SLC52A1: variants seen among roughly 807,000 people sequenced by gnomAD.
SLC52A1 encodes the protein solute carrier family 52, riboflavin transporter, member 1.
In SLC52A1, 20 loss-of-function variants were observed where a neutral mutation model predicts 23.2. That is an observed-to-expected ratio of 0.86 (90% CI 0.61 to 1.25). SLC52A1 has a LOEUF of 1.25. SLC52A1 is among the 50% of genes most tolerant of loss of function. The pLI is 0.00. For missense variants in SLC52A1, 528 were observed against 557.0 expected, an observed-to-expected ratio of 0.95 and a Z score of 0.52; for synonymous variants, 260 against 256.6, an observed-to-expected ratio of 1.01 and a Z score of -0.13.
Position 5,032,880 on chromosome 17 carries a change from G to A in SLC52A1, c.*77C>T. The A allele has an allele frequency of 1.5e-6, 2 of 1,367,790 alleles. No individual in the cohort carries two copies. The allele number at this position is 1,367,790 out of a possible 1,614,324, so 84.7% of individuals were successfully genotyped here. A position where few individuals can be genotyped will look rare whatever the true frequency, so the allele number is the denominator to read the frequency against. ...CCTGTGTTGGGGGAAGCCTGCCTGG[G>A]CCACAAGTAGTCAGGCACTGTGGCA... On this transcript the variant is annotated 3_prime_UTR_variant, in exon 5 of 5. Transcript: ENST00000254853.
At chr17:5,036,848 G>A (rs986863256), upstream of SLC52A1, among the ~76,000 whole-genome samples, 17 of 152,056 alleles carry the variant, frequency 1.1e-4, no homozygotes, top group African/African-American at 4.1e-4. Context: ...CTATTTTTGA[G>A]AAAGTGTCTT....
In SLC52A1 at chr17:5,034,640, A is replaced by G. The variant is rs373467415; in HGVS notation, c.-34T>C. The G allele has an allele frequency of 1.0e-4, 163 of 1,612,218 alleles. No homozygotes were observed. The highest frequency in any genetic ancestry group is 1.3e-4 in the Non-Finnish European group (156 of 1,179,204). On this transcript the variant is annotated 5_prime_UTR_variant, in exon 2 of 5. Coordinates refer to ENST00000254853, the MANE Select transcript of SLC52A1 (RefSeq NM_017986.4). ...AAGCTGGACCCTCCAGGACAGGGCA[A>G]AGGTCACAGGCAGGTCCTTCCCTAG... is the stretch of plus-strand genomic sequence containing the variant.
chr17:5,033,365 C>A lies in SLC52A1; in HGVS notation c.1030G>T (p.Gly344Cys). ...AAGAGCATGCCCAGCAGAGAAAGAC[C>A]AACCAGCCCTGCCAGGGACCTGTTG... ...VLCRSLAGLVGLSLLGMLFGA... is the reference protein window; with the variant it reads ...VLCRSLAGLVCLSLLGMLFGA... Residue 344 changes from glycine to cysteine, a missense_variant, in exon 4 of 5, where the codon GGT becomes TGT. Physicochemically the swap from Gly to Cys is radical, Grantham distance 159. Transcript: ENST00000254853. 6.2e-7 allele frequency: 1 copy of A among 1,614,194 alleles called. No individual in the cohort carries two copies. The highest frequency in any genetic ancestry group is 1.1e-5 in the South Asian group (1 of 91,092).
chr17:5,035,873 A>ATTTTTTTTTTTT (rs71149503), upstream of SLC52A1, among the ~76,000 whole-genome samples: 1 of 45,302 alleles, frequency 2.2e-5, no homozygotes, highest in Non-Finnish European at 3.5e-5. Flanking sequence ...TGTCCAGCTA[A>ATTTTTTTTTTTT]TTTTTTTTTT....
intron 1 of SLC52A1, among the ~76,000 whole-genome samples, chr17:5,040,560 A>T (rs1975530714): frequency 6.6e-6 from 1 of 152,138 alleles, no homozygotes; most frequent in African/African-American, 2.4e-5. Flanking sequence ...CTCAAACCTT[A>T]GCTTCTCCCT....
chr17:5,034,330 C>A lies in SLC52A1; in HGVS notation c.159G>T (p.Val53=), dbSNP rs576210341. ...EGWSLPSYLS[V]VVALGNLGLL... is the part of the protein sequence containing the mutation. ...GACCCAGGTTTCCCAGCGCCACAACCACAGAGAGGTATGAGGGGAGGCTCC... is the reference window on the plus strand; with the variant it reads ...GACCCAGGTTTCCCAGCGCCACAACAACAGAGAGGTATGAGGGGAGGCTCC... The change falls in exon 3 of 5, where the codon GTG becomes GTT. Residue 53 remains valine, a synonymous_variant. Transcript: ENST00000254853. 2 of 1,587,610 alleles carry A rather than the reference C, an allele frequency of 1.3e-6. No individual in the cohort carries two copies. The highest frequency in any genetic ancestry group is 2.3e-5 in the South Asian group (2 of 86,632).
At chr17:5,033,210 A>G (rs1326691416) in intron 4 of SLC52A1, 41 bp from the exon 5 acceptor site, 2 of 1,612,814 alleles carry the variant, frequency 1.2e-6, no homozygotes, top group Non-Finnish European at 1.7e-6. Context: ...CATGACATGC[A>G]CTTGCTCCAG....
upstream of SLC52A1, among the ~76,000 whole-genome samples, chr17:5,036,098 G>A (rs1267690681): frequency 1.8e-4 from 25 of 136,218 alleles, no homozygotes; most frequent in Admixed American, 1.8e-3. Flanking sequence ...CCAGGCTGGA[G>A]TGCAATGGCA....
upstream of SLC52A1, among the ~76,000 whole-genome samples, chr17:5,037,910 C>T: frequency 2.0e-5 from 1 of 48,980 alleles, no homozygotes; most frequent in African/African-American, 1.3e-4. Flanking sequence ...TTCTTTCTTC[C>T]TTCCTTTTTT....
chr17:5,034,906 C>G lies in SLC52A1; in HGVS notation c.-153G>C. 1 of 291,788 alleles carries G rather than the reference C, an allele frequency of 3.4e-6. No individual in the cohort carries two copies. 18.1% of individuals were successfully genotyped at this position (291,788 alleles called of 1,614,324 possible). A position where few individuals can be genotyped will look rare whatever the true frequency, so the allele number is the denominator to read the frequency against. On this transcript the variant is annotated 5_prime_UTR_variant, in exon 1 of 5. Coordinates refer to ENST00000254853, the MANE Select transcript of SLC52A1 (RefSeq NM_017986.4). ...TTTGGGTACAGCGACCCAGCAGTGC[C>G]GGCAGGCAGACAGGCAGAAAGCTGG...
At chr17:5,033,236 C>T (rs1033324580) in intron 4 of SLC52A1, 25 bp downstream of exon 4, 50 of 1,612,782 alleles carry the variant, frequency 3.1e-5, no homozygotes, top group Non-Finnish European at 3.9e-5. Context: ...ACCCTCCTCC[C>T]CACTTCATGT....
At chr17:5,037,506 G>A (rs1465061128), upstream of SLC52A1, among the ~76,000 whole-genome samples, 1 of 152,018 alleles carries the variant, frequency 6.6e-6, no homozygotes, top group Non-Finnish European at 1.5e-5. Context: ...ACAACAGAGC[G>A]AGACTCCATC....
At position 5,033,561 on chromosome 17, in the gene SLC52A1, G is replaced by T; in HGVS notation, c.928C>A (p.Arg310Ser). 1 of 1,613,870 alleles carries T rather than the reference G, an allele frequency of 6.2e-7. No individual in the cohort carries two copies. Among genetic ancestry groups the T allele is most frequent in the South Asian group, 1.1e-5 (1 of 91,072 alleles). ...ACCACAGCCAGGTGGTAGGCCAGGC[G>T]CCCATAGGGCAAACAGGAAAAGCTC... ...VQSFSCLPYG[R>S]LAYHLAVVLG... The change falls in exon 3 of 5, where the codon CGC (arginine) becomes AGC (serine). Residue 310 changes from arginine to serine, a missense_variant. Transcript: ENST00000254853.
upstream of SLC52A1, among the ~76,000 whole-genome samples, chr17:5,036,443 G>A (rs372297746): frequency 2.9e-3 from 319 of 109,798 alleles, 8 homozygotes; most frequent in South Asian, 0.095. Context: ...ACGGAGTCTC[G>A]CTCTGTCGCC....
In SLC52A1 at chr17:5,032,944, C is replaced by T. The variant is rs1369533689; in HGVS notation, c.*13G>A. 6.2e-7 allele frequency: 1 copy of T among 1,607,404 alleles called. No homozygotes were observed. Among genetic ancestry groups the T allele is most frequent in the East Asian group, 2.2e-5 (1 of 44,684 alleles). On this transcript the variant is annotated 3_prime_UTR_variant, in exon 5 of 5. Transcript: ENST00000254853. Reference sequence around the variant, plus strand: ...GACAGGTGGGGTGGAGTTGGGTCCCCACCTGCCCAGGCTCAGGGGCCACAG... The same window carrying T: ...GACAGGTGGGGTGGAGTTGGGTCCCTACCTGCCCAGGCTCAGGGGCCACAG...
rs944738347 is a variant in SLC52A1 at position 5,033,819 on chromosome 17, C to T, written c.670G>A (p.Val224Ile). 1 of 1,614,224 alleles carries T rather than the reference C, an allele frequency of 6.2e-7. No homozygotes were observed. Among genetic ancestry groups the T allele is most frequent in the Non-Finnish European group, 8.5e-7 (1 of 1,180,024 alleles). Reference protein sequence around the residue: ...LLLLLPSLPSVTTGGSGPELQ... With the variant: ...LLLLLPSLPSITTGGSGPELQ... ...TCAGGCCCTGAGCCCCCTGTGGTTA[C>T]AGAGGGTAGTGATGGCAACAGCAAC... Residue 224 changes from valine to isoleucine, a missense_variant, in exon 3 of 5, where the codon GTA (valine) becomes ATA (isoleucine). Coordinates refer to ENST00000254853, the MANE Select transcript of SLC52A1 (RefSeq NM_017986.4).
At position 5,035,030 on chromosome 17, in the gene SLC52A1, G is replaced by GGGTGC. The variant is rs1975426369; in HGVS notation, c.-282_-278dup. ...TTGTCAAAACAGCTCAGCACTGGCC[G>GGGTGC]GGTGCGGTGGCTCACACCTGTAATC... On this transcript the variant is annotated 5_prime_UTR_variant, in exon 1 of 5. Coordinates refer to ENST00000254853, the MANE Select transcript of SLC52A1 (RefSeq NM_017986.4). The GGGTGC allele has an allele frequency of 5.1e-6, 1 of 196,950 alleles. No homozygotes were observed. Among genetic ancestry groups the GGGTGC allele is most frequent in the African/African-American group, 2.3e-5 (1 of 43,844 alleles). The allele number at this position is 196,950 out of a possible 1,614,324, so 12.2% of individuals were successfully genotyped here.
chr17:5,037,366 C>T (rs1229108377), upstream of SLC52A1, among the ~76,000 whole-genome samples: 2 of 151,810 alleles, frequency 1.3e-5, no homozygotes, highest in Non-Finnish European at 2.9e-5. Context: ...TAAAAATACA[C>T]AAATTAGCTG....
intron 1 of SLC52A1, among the ~76,000 whole-genome samples, chr17:5,040,931 G>A (rs1975537210): frequency 6.6e-6 from 1 of 151,864 alleles, no homozygotes; most frequent in Non-Finnish European, 1.5e-5. Context: ...GAGTAGGTGG[G>A]ACTACAGGTG....
Sources: gnomAD v4.1 joint callset for allele counts (sites outside exome capture counted in the v4.1 genomes callset) on GRCh38, gnomAD v4.1.1 for gene constraint, MANE v1.5 for transcripts, NCBI Gene and HGNC (gene_info 2026-07-23, HGNC 2026-07-21) for gene names.